The following XRCC4 variants were observed in gnomAD, a reference collection of about 807,000 sequenced individuals.
XRCC4 encodes X-ray repair cross complementing 4.
A neutral mutation model predicts 39.1 loss-of-function variants in XRCC4; 28 were observed. The observed-to-expected ratio is 0.72, with a 90% CI of 0.53 to 0.98. The LOEUF is 0.98. Ranked by LOEUF, XRCC4 falls within the 50% of genes least tolerant of loss-of-function variation. The pLI is 0.00. For synonymous variants in XRCC4, 123 were observed against 126.4 expected (o/e 0.97, Z 0.18); for missense variants, 350 against 376.4 (o/e 0.93, Z 0.58).
chr5:83,261,174 AT>A (rs1331509761), intron 7 of XRCC4, among the ~76,000 whole-genome samples: 3 of 149,708 alleles, frequency 2.0e-5, no homozygotes, highest in African/African-American at 5.0e-5. Flanking sequence ...AGAAGCTTCT[AT>A]AAAACAAAAG....
intron 3 of XRCC4, among the ~76,000 whole-genome samples, chr5:83,190,174 A>G (rs998554738): frequency 2.6e-5 from 4 of 152,204 alleles, no homozygotes; most frequent in Non-Finnish European, 5.9e-5. Flanking sequence ...CCAAAAGTTG[A>G]TCAACTTGTA....
chr5:83,242,652 A>T (rs532151445), intron 6 of XRCC4, among the ~76,000 whole-genome samples: 1 of 152,142 alleles, frequency 6.6e-6, no homozygotes, highest in South Asian at 2.1e-4. Context: ...TGTAACCTTC[A>T]TTTAACTCCA....
At chr5:83,184,647 A>T (rs1459098854) in intron 3 of XRCC4, among the ~76,000 whole-genome samples, 1 of 152,266 alleles carries the variant, frequency 6.6e-6, no homozygotes, top group East Asian at 1.9e-4. Context: ...ATCCCATAGC[A>T]TGATAATTTT....
intron 7 of XRCC4, among the ~76,000 whole-genome samples, chr5:83,287,822 G>T (rs1173036055): frequency 6.6e-6 from 1 of 151,146 alleles, no homozygotes; most frequent in Non-Finnish European, 1.5e-5. Context: ...ATTTTCTTCT[G>T]CTTGCTGTAG....
intron 6 of XRCC4, among the ~76,000 whole-genome samples, chr5:83,249,359 T>C (rs1219379384): frequency 6.6e-6 from 1 of 152,160 alleles, no homozygotes; most frequent in Non-Finnish European, 1.5e-5. Context: ...AGTTAGGACA[T>C]GTCTAGTGTT....
intron 7 of XRCC4, among the ~76,000 whole-genome samples, chr5:83,282,715 G>C (rs1045176245): frequency 6.6e-6 from 1 of 151,950 alleles, no homozygotes; most frequent in East Asian, 1.9e-4. Context: ...GGTGGCAGGC[G>C]CCTGTAGTCC....
chr5:83,102,334 G>C (rs1033753037), intron 1 of XRCC4, among the ~76,000 whole-genome samples: 2 of 152,052 alleles, frequency 1.3e-5, no homozygotes, highest in Non-Finnish European at 2.9e-5. Flanking sequence ...GAGGCCTGTC[G>C]TGTGTAAGAG....
In XRCC4 at chr5:83,258,612, G is replaced by A. The variant is rs1388496508; in HGVS notation, c.828G>A (p.Met276Ile). The part of the protein sequence containing the change: ...IAPSRKRRQR[M>I]QRNLGTEPKM... ...CAAGTAGAAAAAGGAGACAGCGAAT[G>A]CAAAGAAATCTTGGGACAGAACCTA... The change falls in exon 7 of 8, where the codon ATG becomes ATA. Residue 276 changes from methionine (M) to isoleucine (I), a missense_variant. Transcript: ENST00000396027. The A allele has an allele frequency of 6.2e-7, 1 of 1,611,516 alleles. No individual in the cohort carries two copies. Among genetic ancestry groups the A allele is most frequent in the East Asian group, 2.2e-5 (1 of 44,698 alleles).
intron 7 of XRCC4, 152 bp downstream of exon 7, chr5:83,258,829 T>A (rs1201692261): frequency 1.0e-6 from 1 of 980,760 alleles, no homozygotes; most frequent in Non-Finnish European, 1.4e-6. Context: ...ATCAATGTAT[T>A]GTTTCAGTAT....
chr5:83,249,157 C>T (rs564849369), intron 6 of XRCC4, among the ~76,000 whole-genome samples: 33 of 151,972 alleles, frequency 2.2e-4, no homozygotes, highest in Admixed American at 1.6e-3. Flanking sequence ...TAAAAATAAA[C>T]CTTTACAGAA....
intron 6 of XRCC4, among the ~76,000 whole-genome samples, chr5:83,219,894 A>G (rs1752015030): frequency 1.3e-5 from 2 of 152,312 alleles, no homozygotes; most frequent in African/African-American, 4.8e-5. Flanking sequence ...TTAAAATTTT[A>G]TATGAAATAT....
chr5:83,196,881 A>G (rs1436385681), intron 4 of XRCC4, among the ~76,000 whole-genome samples: 2 of 151,894 alleles, frequency 1.3e-5, no homozygotes, highest in Non-Finnish European at 2.9e-5. Flanking sequence ...TAGTGAGTAT[A>G]TGTGAAAGTA....
At chr5:83,247,969 C>T (rs1753170183) in intron 6 of XRCC4, among the ~76,000 whole-genome samples, 1 of 152,062 alleles carries the variant, frequency 6.6e-6, no homozygotes. Context: ...GCAGTAATAA[C>T]AGTAGAGAAA....
chr5:83,142,785 T>C (rs1469516534), intron 3 of XRCC4, among the ~76,000 whole-genome samples: 2 of 152,216 alleles, frequency 1.3e-5, no homozygotes, highest in East Asian at 3.8e-4. Flanking sequence ...GAGTCACCAG[T>C]TCATTTGTAC....
At chr5:83,363,001 G>A in the XRCC4 span, among the ~76,000 whole-genome samples, 1 of 152,152 alleles carries the variant, frequency 6.6e-6, no homozygotes, top group East Asian at 1.9e-4. Flanking sequence ...CATCACTTTT[G>A]GCTTCCAGGT....
chr5:83,189,954 C>T (rs1021720284), intron 3 of XRCC4, among the ~76,000 whole-genome samples: 2 of 152,068 alleles, frequency 1.3e-5, no homozygotes, highest in African/African-American at 2.4e-5. Context: ...ATCCCAGCTA[C>T]GTGGGATGCT....
intron 1 of XRCC4, among the ~76,000 whole-genome samples, chr5:83,103,255 T>TC (rs1326185911): frequency 6.6e-6 from 1 of 151,980 alleles, no homozygotes; most frequent in African/African-American, 2.4e-5. Flanking sequence ...GTCTGTTTGT[T>TC]CAAGTAATGA....
chr5:83,279,138 G>A (rs1172384045), intron 7 of XRCC4, among the ~76,000 whole-genome samples: 1 of 144,508 alleles, frequency 6.9e-6, no homozygotes, highest in East Asian at 2.0e-4. Context: ...ACACATTATT[G>A]AAAGTGAATA....
intron 6 of XRCC4, among the ~76,000 whole-genome samples, chr5:83,247,659 G>A (rs565211593): frequency 5.5e-4 from 84 of 152,264 alleles, no homozygotes; most frequent in Admixed American, 1.1e-3. Context: ...ATATGTTTTA[G>A]ATAATTGAAA....
Sources: allele counts gnomAD v4.1 joint callset (sites outside exome capture counted in the v4.1 genomes callset), GRCh38; gene constraint gnomAD v4.1.1; transcripts MANE v1.5; gene names NCBI Gene and HGNC (gene_info 2026-07-23, HGNC 2026-07-21).